Variants in AOAH observed in about 807,000 individuals in gnomAD.
The protein encoded by AOAH is acyloxyacyl hydrolase, also known as acyloxyacyl hydrolase (neutrophil).
A neutral mutation model predicts 92.2 loss-of-function variants in AOAH; 64 were observed. The observed-to-expected ratio is 0.69, with a 90% CI of 0.57 to 0.86. The LOEUF (loss-of-function observed/expected upper bound fraction) is 0.86, where lower values mean the gene tolerates loss of function less well. AOAH is among the 40% of genes least tolerant of loss of function. The pLI, the probability that AOAH is intolerant of heterozygous loss-of-function variation, is 0.00. For synonymous variants in AOAH, 263 were observed against 254.5 expected, an observed-to-expected ratio of 1.03 and a Z score of -0.32; for missense variants, 656 against 694.6, an observed-to-expected ratio of 0.94 and a Z score of 0.62.
In AOAH at chr7:36,724,368, C is replaced by T. The variant is rs1799843706; in HGVS notation, c.-220G>A. On this transcript the variant is annotated 5_prime_UTR_variant, in exon 1 of 21. Coordinates refer to ENST00000617537, the MANE Select transcript of AOAH (RefSeq NM_001637.4). Reference sequence around the variant, plus strand: ...AGACCCACAGCTTGCTCTTGTTGGACCCTGAGAGAGCCACACACAAAGAGC... The same window carrying T: ...AGACCCACAGCTTGCTCTTGTTGGATCCTGAGAGAGCCACACACAAAGAGC... The T allele has an allele frequency of 2.4e-6, 1 of 423,766 alleles. No individual in the cohort carries two copies. Among genetic ancestry groups the T allele is most frequent in the South Asian group, 2.3e-5 (1 of 44,336 alleles). 26.3% of individuals were successfully genotyped at this position (423,766 alleles called of 1,614,324 possible).
chr7:36,541,880 A>G (rs1364167094), intron 15 of AOAH, among the ~76,000 whole-genome samples: 1 of 152,242 alleles, frequency 6.6e-6, no homozygotes, highest in African/African-American at 2.4e-5. Context: ...AGTAGAATAC[A>G]GAATTTTCTA....
rs1460335578 is a variant in AOAH, at chr7:36,616,483, C to T, written c.752-9G>A. On this transcript the variant is annotated splice_polypyrimidine_tract_variant and intron_variant, in intron 10 of 20. Coordinates refer to ENST00000617537, the MANE Select transcript of AOAH (RefSeq NM_001637.4). ...TCCCCTGGGCTGTGAACCTAGGCAG[C>T]ACAATTTATTCACATTATTTATGCA... is the stretch of plus-strand genomic sequence containing the variant. 1 of 1,612,174 alleles carries T rather than the reference C, an allele frequency of 6.2e-7. No individual in the cohort carries two copies. Among genetic ancestry groups the T allele is most frequent in the African/African-American group, 1.3e-5 (1 of 75,014 alleles).
At chr7:36,547,847 T>C (rs2116297316) in intron 15 of AOAH, among the ~76,000 whole-genome samples, 1 of 152,326 alleles carries the variant, frequency 6.6e-6, no homozygotes, top group Non-Finnish European at 1.5e-5. Context: ...CTATGGGCCA[T>C]GGGCATAGAT....
chr7:36,513,385 G>T lies in AOAH; in HGVS notation c.1600-5C>A, dbSNP rs761422400. 1 of 1,613,300 alleles carries T rather than the reference G, an allele frequency of 6.2e-7. No individual in the cohort carries two copies. The highest frequency in any genetic ancestry group is 8.5e-7 in the Non-Finnish European group (1 of 1,179,392). ...CGCCAACAACAGCAAAGCCACCTGT[G>T]AGAGAGAACCCAAAGGACGAGGAAA... On this transcript the variant is annotated splice_region_variant and splice_polypyrimidine_tract_variant and intron_variant, in intron 20 of 20. Coordinates refer to ENST00000617537, the MANE Select transcript of AOAH (RefSeq NM_001637.4).
chr7:36,560,832 C>T (rs1217826041), intron 13 of AOAH, among the ~76,000 whole-genome samples: 1 of 152,124 alleles, frequency 6.6e-6, no homozygotes, highest in Non-Finnish European at 1.5e-5. Context: ...GAAATGCTGC[C>T]TAGGAATTAT....
In AOAH at chr7:36,621,628, C is replaced by T. The variant is rs1249040684; in HGVS notation, c.653+82G>A. The T allele has an allele frequency of 6.1e-6, 8 of 1,318,574 alleles. No individual in the cohort carries two copies. In the African/African-American group the frequency reaches 1.0e-4, roughly 17 times the overall value. The allele number at this position is 1,318,574 out of a possible 1,614,324, so 81.7% of individuals were successfully genotyped here. On this transcript the variant is annotated intron_variant, in intron 8 of 20. Coordinates refer to ENST00000617537, the MANE Select transcript of AOAH (RefSeq NM_001637.4). Reference sequence around the variant, plus strand: ...TCTTCTCTCTGTAAGTGGGAATCCCCTAGGCTGGGGGAAGGAAATGTGCCT... The same window carrying T: ...TCTTCTCTCTGTAAGTGGGAATCCCTTAGGCTGGGGGAAGGAAATGTGCCT...
At chr7:36,681,929 G>A (rs1014148526) in intron 2 of AOAH, among the ~76,000 whole-genome samples, 4 of 152,174 alleles carry the variant, frequency 2.6e-5, no homozygotes, top group East Asian at 1.9e-4. Context: ...AAACCACTTC[G>A]CAACTGCAAG....
rs116437447 is a variant in AOAH at position 36,681,120 on chromosome 7, C to T, written c.223+5579G>A. Among the ~76,000 whole-genome samples the T allele has an allele frequency of 5.9e-3, 894 of 152,328 alleles. 9 individuals are homozygous for T. The highest frequency in any genetic ancestry group is 0.021 in the African/African-American group (867 of 41,574). On this transcript the variant is annotated intron_variant, in intron 2 of 20. Transcript: ENST00000617537. ...TAACTTGAGGTTATACCTGCCAATG[C>T]TGTCTATCACACAGAAAGGCAACCA...
chr7:36,704,713 T>A (rs1001952921), intron 1 of AOAH, among the ~76,000 whole-genome samples: 1 of 152,224 alleles, frequency 6.6e-6, no homozygotes, highest in Admixed American at 6.5e-5. Flanking sequence ...CAGGCCAATA[T>A]CCTTGATGAA....
chr7:36,686,038 G>T (rs1337273932), intron 2 of AOAH, among the ~76,000 whole-genome samples: 1 of 151,822 alleles, frequency 6.6e-6, no homozygotes, highest in African/African-American at 2.4e-5. Context: ...ATAAAAATTT[G>T]ACTGTCAAAG....
intron 1 of AOAH, among the ~76,000 whole-genome samples, chr7:36,711,915 G>A (rs1169143527): frequency 6.6e-6 from 1 of 152,188 alleles, no homozygotes; most frequent in Non-Finnish European, 1.5e-5. Context: ...AGAGTGACGG[G>A]TAAGTCCTCC....
At position 36,623,549 on chromosome 7, in the gene AOAH, G is replaced by A. The variant is rs549521558; in HGVS notation, c.522-299C>T. On this transcript the variant is annotated intron_variant, in intron 6 of 20. Transcript: ENST00000617537. ...GGGGTATTGATGTTGAGATTCCCAG[G>A]AAATATGAGACTGCACTTTGAGTTC... is the stretch of plus-strand genomic sequence containing the variant. Among the ~76,000 whole-genome samples, 4 of 152,334 alleles carry A rather than the reference G, an allele frequency of 2.6e-5. No individual in the cohort carries two copies. In the East Asian group the frequency reaches 7.7e-4, roughly 29 times the overall value.
At chr7:36,631,641 T>G (rs144402696) in intron 6 of AOAH, among the ~76,000 whole-genome samples, 1 of 152,256 alleles carries the variant, frequency 6.6e-6, no homozygotes, top group African/African-American at 2.4e-5. Context: ...ACCTTGTGAG[T>G]GTCTTGCACT....
chr7:36,631,129 T>G (rs1793049038), intron 6 of AOAH, among the ~76,000 whole-genome samples: 1 of 152,098 alleles, frequency 6.6e-6, no homozygotes, highest in African/African-American at 2.4e-5. Flanking sequence ...GTGGATCACT[T>G]GAGGTCAGGA....
At chr7:36,715,690 T>C (rs1444212004) in intron 1 of AOAH, among the ~76,000 whole-genome samples, 2 of 141,026 alleles carry the variant, frequency 1.4e-5, no homozygotes, top group African/African-American at 2.6e-5. Context: ...AACTATCTGA[T>C]CTTTGACAAA....
chr7:36,531,608 A>C (rs1450658097), intron 18 of AOAH, among the ~76,000 whole-genome samples: 1 of 152,180 alleles, frequency 6.6e-6, no homozygotes, highest in Non-Finnish European at 1.5e-5. Context: ...TCAGCCTCCC[A>C]AAGTGCTGAG....
At chr7:36,590,522 A>G (rs756423301) in intron 12 of AOAH, among the ~76,000 whole-genome samples, 23 of 152,238 alleles carry the variant, frequency 1.5e-4, no homozygotes, top group Non-Finnish European at 3.1e-4. Context: ...AATTTCAATT[A>G]AAGTTATCTA....
intron 3 of AOAH, among the ~76,000 whole-genome samples, chr7:36,665,801 T>C (rs1024990239): frequency 2.6e-5 from 4 of 152,298 alleles, no homozygotes; most frequent in African/African-American, 9.6e-5. Context: ...TGTCTATTAA[T>C]ATAATCATGA....
rs1790139900 is a variant in AOAH at position 36,513,161 on chromosome 7, G to C, written c.*91C>G. ...TGCTGAAGAAGAGTCCTTTGGGCCTGTGACGTGGCAGCCCCCATAGGGTTT... is the reference window on the plus strand; with the variant it reads ...TGCTGAAGAAGAGTCCTTTGGGCCTCTGACGTGGCAGCCCCCATAGGGTTT... On this transcript the variant is annotated 3_prime_UTR_variant, in exon 21 of 21. Transcript: ENST00000617537. The C allele has an allele frequency of 6.2e-7, 1 of 1,613,360 alleles. No homozygotes were observed. Among genetic ancestry groups the C allele is most frequent in the Admixed American group, 1.7e-5 (1 of 60,000 alleles).
Sources: gnomAD v4.1 joint callset for allele counts (sites outside exome capture counted in the v4.1 genomes callset) on GRCh38, gnomAD v4.1.1 for gene constraint, MANE v1.5 for transcripts, NCBI Gene and HGNC (gene_info 2026-07-23, HGNC 2026-07-21) for gene names.